The following NCALD variants were observed in gnomAD, a reference collection of about 807,000 sequenced individuals.
NCALD encodes neurocalcin delta, also known as neurocalcin-delta.
A neutral mutation model predicts 18.6 loss-of-function variants in NCALD; 10 were observed. The ratio of observed to expected loss-of-function variants is 0.54; its 90% CI spans 0.33 to 0.91. The LOEUF is 0.91. Ranked by LOEUF, NCALD falls within the 40% of genes least tolerant of loss-of-function variation. The probability of loss-of-function intolerance (pLI) is 0.03; values close to 1 mark genes in which losing one functional copy is unlikely to be tolerated. For synonymous variants in NCALD, 88 were observed against 87.4 expected (o/e 1.01, Z -0.04); for missense variants, 184 against 247.6 (o/e 0.74, Z 1.72).
At chr8:102,076,888 A>G (rs896177565) in intron 1 of NCALD, among the ~76,000 whole-genome samples, 5 of 152,178 alleles carry the variant, frequency 3.3e-5, no homozygotes, top group Admixed American at 6.5e-5. Flanking sequence ...ACAATTGCCT[A>G]CACTTGTGAC....
intron 1 of NCALD, among the ~76,000 whole-genome samples, chr8:102,022,957 C>T (rs995189715): frequency 2.6e-5 from 4 of 152,124 alleles, no homozygotes; most frequent in African/African-American, 9.7e-5. Context: ...TGGGCCAGTG[C>T]TCCAGGTATC....
intron 2 of NCALD, among the ~76,000 whole-genome samples, chr8:101,984,791 A>G (rs1245881533): frequency 1.1e-4 from 17 of 152,212 alleles, no homozygotes; most frequent in Admixed American, 3.9e-4. Flanking sequence ...CTTTTAAGTC[A>G]CAGAGAATGG....
intron 2 of NCALD, among the ~76,000 whole-genome samples, chr8:101,981,156 C>T (rs1409756327): frequency 6.6e-6 from 1 of 152,180 alleles, no homozygotes; most frequent in Non-Finnish European, 1.5e-5. Context: ...TTATATTTCT[C>T]AAACTAGCTT....
intron 1 of NCALD, among the ~76,000 whole-genome samples, chr8:101,734,510 T>C (rs889716655): frequency 6.6e-6 from 1 of 152,252 alleles, no homozygotes; most frequent in Non-Finnish European, 1.5e-5. Flanking sequence ...TCCTGACAGA[T>C]GCTTAATAAG....
intron 1 of NCALD, among the ~76,000 whole-genome samples, chr8:101,783,299 G>C (rs948815415): frequency 3.9e-5 from 6 of 152,196 alleles, no homozygotes; most frequent in Non-Finnish European, 7.4e-5. Flanking sequence ...AGAAGGGAAA[G>C]GGATGCCTCT....
chr8:102,010,445 GT>G (rs1053635746), intron 2 of NCALD, among the ~76,000 whole-genome samples: 2 of 152,082 alleles, frequency 1.3e-5, no homozygotes, highest in African/African-American at 4.8e-5. Flanking sequence ...TTTAAATTTG[GT>G]TTTTTAATTA....
chr8:101,862,028 G>C (rs1330191576), intron 4 of NCALD, among the ~76,000 whole-genome samples: 4 of 152,094 alleles, frequency 2.6e-5, no homozygotes, highest in Non-Finnish European at 5.9e-5. Context: ...CCACAAATCT[G>C]CAAAAGGATT....
At chr8:101,913,784 G>A (rs1027473455) in intron 3 of NCALD, among the ~76,000 whole-genome samples, 1 of 152,186 alleles carries the variant, frequency 6.6e-6, no homozygotes, top group African/African-American at 2.4e-5. Context: ...GCTTCTCCAT[G>A]TTGGCCAGGC....
chr8:101,958,412 C>T (rs6991019), intron 2 of NCALD, among the ~76,000 whole-genome samples: 72,007 of 151,778 alleles, frequency 0.47, 17,904 homozygotes, highest in African/African-American at 0.61. Flanking sequence ...TTCGTTATTA[C>T]ATCACTGATG....
At chr8:101,999,174 A>T (rs1821351735) in intron 2 of NCALD, among the ~76,000 whole-genome samples, 1 of 152,070 alleles carries the variant, frequency 6.6e-6, no homozygotes, top group South Asian at 2.1e-4. Context: ...GCTCTTTAGA[A>T]GTCGTTACAT....
At chr8:101,858,427 G>C (rs1208156913) in intron 4 of NCALD, among the ~76,000 whole-genome samples, 1 of 152,142 alleles carries the variant, frequency 6.6e-6, no homozygotes, top group Non-Finnish European at 1.5e-5. Context: ...TAGTTAGAAA[G>C]CATTTTTGTT....
In NCALD at chr8:101,729,966, C is replaced by T. The variant is rs117564702; in HGVS notation, c.-19-10318G>A. Among the ~76,000 whole-genome samples, 295 of 152,092 alleles carry T rather than the reference C, an allele frequency of 1.9e-3. 4 individuals are homozygous for T. In the East Asian group the frequency reaches 0.049, roughly 25 times the overall value. ...TACCATTTTTTGTTTTGCGGATTAC[C>T]AAAGTATTACATCATTATTGAAAAA... On this transcript the variant is annotated intron_variant, in intron 1 of 3. Coordinates refer to ENST00000220931, the MANE Select transcript of NCALD (RefSeq NM_032041.3).
At chr8:101,990,649 G>C (rs1017403976) in intron 2 of NCALD, among the ~76,000 whole-genome samples, 2 of 152,162 alleles carry the variant, frequency 1.3e-5, no homozygotes, top group Admixed American at 6.5e-5. Context: ...CTCCAGGTGA[G>C]AGGTGTCTTT....
chr8:101,880,508 A>AG (rs1276951269), intron 4 of NCALD, among the ~76,000 whole-genome samples: 1 of 152,202 alleles, frequency 6.6e-6, no homozygotes, highest in African/African-American at 2.4e-5. Flanking sequence ...GCGGAGGCCG[A>AG]GGCCAAGGAG....
At position 101,688,796 on chromosome 8, in the gene NCALD, A is replaced by G. The variant is rs527467032; in HGVS notation, c.*513T>C. The G allele has an allele frequency of 3.2e-4, 196 of 611,624 alleles. 1 individual carries two copies. The Middle Eastern group carries it at 3.5e-3, about 11-fold the overall frequency. The allele number at this position is 611,624 out of a possible 1,614,324, so 37.9% of individuals were successfully genotyped here. On this transcript the variant is annotated 3_prime_UTR_variant, in exon 4 of 4. Coordinates refer to ENST00000220931, the MANE Select transcript of NCALD (RefSeq NM_032041.3). The stretch of plus-strand genomic sequence containing the variant: ...GGGGAAGAGAGGGGAGTGGGCCCCC[A>G]TGGGGAAATGTCCCAGCTCGCTGGA...
intron 3 of NCALD, among the ~76,000 whole-genome samples, chr8:101,891,676 C>T (rs1816892700): frequency 6.6e-6 from 1 of 152,236 alleles, no homozygotes; most frequent in Non-Finnish European, 1.5e-5. Flanking sequence ...CGAGCCGAAG[C>T]AGGGCGAGGC....
chr8:101,703,745 A>G (rs1360754884), intron 2 of NCALD, among the ~76,000 whole-genome samples: 1 of 152,212 alleles, frequency 6.6e-6, no homozygotes, highest in Non-Finnish European at 1.5e-5. Context: ...TGGAGACACT[A>G]AAGTGGCTAG....
chr8:101,693,066 G>T, intron 2 of NCALD, 170 bp from the exon 3 acceptor site: 1 of 522,676 alleles, frequency 1.9e-6, no homozygotes, highest in Non-Finnish European at 3.5e-6. Context: ...GAAGAAGCCG[G>T]GCCCACAAAG....
intron 4 of NCALD, among the ~76,000 whole-genome samples, chr8:101,859,306 G>T (rs1161462667): frequency 6.6e-6 from 1 of 152,204 alleles, no homozygotes; most frequent in East Asian, 1.9e-4. Flanking sequence ...CAGACTGACG[G>T]TTGCACTGCC....
Sources: gnomAD v4.1 joint callset for allele counts (sites outside exome capture counted in the v4.1 genomes callset) on GRCh38, gnomAD v4.1.1 for gene constraint, MANE v1.5 for transcripts, NCBI Gene and HGNC (gene_info 2026-07-23, HGNC 2026-07-21) for gene names.